PRKN: variants seen among roughly 807,000 people sequenced by gnomAD.
The protein encoded by PRKN is parkin RBR E3 ubiquitin protein ligase, also known as E3 ubiquitin-protein ligase parkin.
In PRKN, 56 loss-of-function variants were observed where a neutral mutation model predicts 59.5. That is an observed-to-expected ratio of 0.94 (90% confidence interval 0.76 to 1.18). The LOEUF is 1.18. Ranked by LOEUF, PRKN falls within the 50% of genes most tolerant of loss-of-function variation. The pLI is 0.00. For synonymous variants in PRKN, 250 were observed against 222.1 expected (o/e 1.13, Z -1.12); for missense variants, 657 against 596.4 (o/e 1.10, Z -1.06).
At chr6:162,140,598 G>T (rs1383965922) in intron 4 of PRKN, among the ~76,000 whole-genome samples, 2 of 152,070 alleles carry the variant, frequency 1.3e-5, no homozygotes, top group African/African-American at 4.8e-5. Flanking sequence ...TGGTTTCCTT[G>T]TTCCCTTTTA....
At chr6:161,426,966 A>G (rs1261084480) in intron 9 of PRKN, among the ~76,000 whole-genome samples, 1 of 151,780 alleles carries the variant, frequency 6.6e-6, no homozygotes, top group Non-Finnish European at 1.5e-5. Context: ...TGATCTGCCC[A>G]CCTCAGCCTC....
rs185938908 is a variant in PRKN at position 162,292,165 on chromosome 6, C to T, written c.172-29400G>A. Among the ~76,000 whole-genome samples the T allele has an allele frequency of 3.7e-3, 569 of 152,044 alleles. 3 individuals are homozygous for T. Among genetic ancestry groups the T allele is most frequent in the African/African-American group, 0.013 (548 of 41,488 alleles). The stretch of plus-strand genomic sequence containing the variant: ...TTTTAGTAGAGACAAGGTTTCACTA[C>T]ATTGACCAGGCTAGTCTCCAACTCC... On this transcript the variant is annotated intron_variant, in intron 2 of 11. Coordinates refer to ENST00000366898, the MANE Select transcript of PRKN (RefSeq NM_004562.3).
intron 2 of PRKN, among the ~76,000 whole-genome samples, chr6:162,379,417 G>A (rs1003586525): frequency 6.6e-6 from 1 of 152,114 alleles, no homozygotes; most frequent in African/African-American, 2.4e-5. Context: ...TGGGCTTTGA[G>A]GAGATTAGAA....
intron 6 of PRKN, among the ~76,000 whole-genome samples, chr6:161,896,453 A>C (rs1477251604): frequency 6.6e-6 from 1 of 152,122 alleles, no homozygotes; most frequent in Non-Finnish European, 1.5e-5. Flanking sequence ...TTCCAGCCAC[A>C]CCTACCAAGA....
chr6:162,582,709 A>G (rs571357933), intron 1 of PRKN, among the ~76,000 whole-genome samples: 33 of 152,352 alleles, frequency 2.2e-4, no homozygotes, highest in African/African-American at 7.7e-4. Flanking sequence ...TGAATCCCGC[A>G]TAAGACCTAC....
chr6:162,358,751 G>A (rs1784990357), intron 2 of PRKN, among the ~76,000 whole-genome samples: 1 of 151,892 alleles, frequency 6.6e-6, no homozygotes, highest in African/African-American at 2.4e-5. Context: ...CCAAAGTAGT[G>A]CTCACTATCA....
chr6:162,678,555 G>A (rs1286678412), intron 1 of PRKN, among the ~76,000 whole-genome samples: 1 of 152,088 alleles, frequency 6.6e-6, no homozygotes, highest in Non-Finnish European at 1.5e-5. Context: ...AATAATGTTG[G>A]GGGTATCTTT....
intron 7 of PRKN, among the ~76,000 whole-genome samples, chr6:161,737,352 G>T (rs995421266): frequency 6.6e-6 from 1 of 152,222 alleles, no homozygotes; most frequent in African/African-American, 2.4e-5. Context: ...GAAGGCTGAG[G>T]TTCACATGAG....
At position 161,456,968 on chromosome 6, in the gene PRKN, C is replaced by A. The variant is rs768678562; in HGVS notation, c.1084-70091G>T. Among the ~76,000 whole-genome samples, 6 of 152,298 alleles carry A rather than the reference C, an allele frequency of 3.9e-5. No individual in the cohort carries two copies. The highest frequency in any genetic ancestry group is 8.8e-5 in the Non-Finnish European group (6 of 68,026). ...AACACTTGCCCTCTCAGAGCCTTTGCCTCCACTGTGGTCCTACCAGAGAGC... is the reference window on the plus strand; with the variant it reads ...AACACTTGCCCTCTCAGAGCCTTTGACTCCACTGTGGTCCTACCAGAGAGC... On this transcript the variant is annotated intron_variant, in intron 9 of 11. Transcript: ENST00000366898. This position sits in a 1 kb window ranked among gnomAD's most constrained non-coding sequence, Gnocchi z 4.8.
At chr6:162,238,333 A>T (rs1778831830) in intron 3 of PRKN, among the ~76,000 whole-genome samples, 1 of 152,188 alleles carries the variant, frequency 6.6e-6, no homozygotes, top group African/African-American at 2.4e-5. Context: ...CCAGGTGTGC[A>T]GTAGGCTATA....
At chr6:162,390,056 A>C (rs1056248724) in intron 2 of PRKN, among the ~76,000 whole-genome samples, 1 of 152,124 alleles carries the variant, frequency 6.6e-6, no homozygotes, top group South Asian at 2.1e-4. Flanking sequence ...TGCTATCATT[A>C]ACCTAATAAT....
At chr6:162,577,882 T>C (rs1033991260) in intron 1 of PRKN, among the ~76,000 whole-genome samples, 1 of 152,082 alleles carries the variant, frequency 6.6e-6, no homozygotes, top group African/African-American at 2.4e-5. Flanking sequence ...TGAGCTGGGA[T>C]CACACCAGTG....
intron 5 of PRKN, among the ~76,000 whole-genome samples, chr6:162,001,436 T>A (rs935267792): frequency 2.0e-5 from 3 of 152,168 alleles, no homozygotes; most frequent in African/African-American, 7.2e-5. Flanking sequence ...GCGTTCTTAA[T>A]CCGAAATTCC....
chr6:162,078,930 G>A (rs901649227), intron 4 of PRKN, among the ~76,000 whole-genome samples: 1 of 151,992 alleles, frequency 6.6e-6, no homozygotes, highest in African/African-American at 2.4e-5. Context: ...TAATAGATCA[G>A]ACCCTCCTTT....
rs1471689102 is a variant in PRKN, at chr6:161,400,810, A to G, written c.1084-13933T>C. On this transcript the variant is annotated intron_variant, in intron 9 of 11. Transcript: ENST00000366898. This position sits in a 1 kb window ranked among gnomAD's most constrained non-coding sequence, Gnocchi z 4.2. ...CGTAACTGCCCTGCAGTGAGAGCAT[A>G]TGAATTTTTCTGCCACACACTCTGA... 6.6e-6 allele frequency among the ~76,000 whole-genome samples: 1 copy of G among 152,206 alleles called. No individual in the cohort carries two copies. The highest frequency in any genetic ancestry group is 2.4e-5 in the African/African-American group (1 of 41,452).
intron 1 of PRKN, among the ~76,000 whole-genome samples, chr6:162,582,153 T>C (rs1434547069): frequency 1.3e-5 from 2 of 152,146 alleles, no homozygotes; most frequent in African/African-American, 2.4e-5. Flanking sequence ...ATTTCACACA[T>C]TACATATCCA....
At chr6:162,248,794 T>C (rs1184105033) in intron 3 of PRKN, among the ~76,000 whole-genome samples, 2 of 152,192 alleles carry the variant, frequency 1.3e-5, no homozygotes, top group Non-Finnish European at 2.9e-5. Context: ...TAGTATTGCA[T>C]TTAATGTTAA....
intron 2 of PRKN, among the ~76,000 whole-genome samples, chr6:162,418,705 A>T (rs1190552555): frequency 6.8e-6 from 1 of 147,364 alleles, no homozygotes; most frequent in East Asian, 2.1e-4. Context: ...ACCCATTAGG[A>T]GGGCAGATGG....
chr6:161,494,615 T>A (rs960662808), intron 9 of PRKN, among the ~76,000 whole-genome samples: 13 of 152,234 alleles, frequency 8.5e-5, no homozygotes, highest in African/African-American at 3.1e-4. Flanking sequence ...GTTCCTTCAT[T>A]CAGTAACAAA....
Sources: allele counts gnomAD v4.1 joint callset (sites outside exome capture counted in the v4.1 genomes callset), GRCh38; gene constraint gnomAD v4.1.1; non-coding constraint Gnocchi (gnomAD v3.1); transcripts MANE v1.5; gene names NCBI Gene and HGNC (gene_info 2026-07-23, HGNC 2026-07-21).